SLC25A36: variants seen among roughly 807,000 people sequenced by gnomAD.
The protein encoded by SLC25A36 is solute carrier family 25 member 36, also known as epididymis secretory sperm binding protein.
In SLC25A36, 24 loss-of-function variants were observed where a neutral mutation model predicts 35.3. That is an observed-to-expected ratio of 0.68 (90% CI 0.49 to 0.96). The LOEUF is 0.96. Ranked by LOEUF, SLC25A36 falls within the 40% of genes least tolerant of loss-of-function variation. The probability of loss-of-function intolerance (pLI) is 0.00; values close to 1 mark genes in which losing one functional copy is unlikely to be tolerated. For synonymous variants in SLC25A36, 141 were observed against 132.2 expected, an observed-to-expected ratio of 1.07 and a Z score of -0.46; for missense variants, 294 against 381.1, an observed-to-expected ratio of 0.77 and a Z score of 1.90.
Position 140,959,443 on chromosome 3 carries a change from A to C in SLC25A36, c.207-20A>C. The stretch of plus-strand genomic sequence containing the variant: ...GACTTTGAAAGATATTTCTGATAGA[A>C]TTTTTTTTCTCTCTTTCAGGGTGAT... On this transcript the variant is annotated intron_variant, in intron 2 of 6. Coordinates refer to ENST00000324194, the MANE Select transcript of SLC25A36 (RefSeq NM_001104647.3). 2 of 1,374,086 alleles carry C rather than the reference A, an allele frequency of 1.5e-6. No individual in the cohort carries two copies. The highest frequency in any genetic ancestry group is 2.0e-6 in the Non-Finnish European group (2 of 1,021,288). The allele number at this position is 1,374,086 out of a possible 1,614,324, so 85.1% of individuals were successfully genotyped here. A position where few individuals can be genotyped will look rare whatever the true frequency, so the allele number is the denominator to read the frequency against.
Position 140,973,706 on chromosome 3 carries a change from T to C in SLC25A36, c.453-10T>C. 6.9e-7 allele frequency: 1 copy of C among 1,442,630 alleles called. No homozygotes were observed. The highest frequency in any genetic ancestry group is 9.2e-7 in the Non-Finnish European group (1 of 1,089,466). The allele number at this position is 1,442,630 out of a possible 1,614,324, so 89.4% of individuals were successfully genotyped here. ...AACCTATCAGTAAGATGTTTCTTTT[T>C]GCTTTTCAGGAACCGCGGGGAAAGG... On this transcript the variant is annotated splice_polypyrimidine_tract_variant and intron_variant, in intron 5 of 6. Coordinates refer to ENST00000324194, the MANE Select transcript of SLC25A36 (RefSeq NM_001104647.3).
intron 1 of SLC25A36, chr3:140,942,402 T>C (rs1934035512): frequency 3.7e-6 from 1 of 267,452 alleles, no homozygotes; most frequent in East Asian, 7.0e-5. Context: ...GGGGCCGGGG[T>C]GAGGCGGAGG....
rs890906707 is a variant in SLC25A36 at position 140,976,797 on chromosome 3, G to T, written c.*344G>T. ...CATCCTTAATTTTACATACTGTATT[G>T]TAACTATCCAAAGATAGTATTGGCA... is the stretch of plus-strand genomic sequence containing the variant. On this transcript the variant is annotated 3_prime_UTR_variant, in exon 7 of 7. Coordinates refer to ENST00000324194, the MANE Select transcript of SLC25A36 (RefSeq NM_001104647.3). 1.8e-5 allele frequency: 3 copies of T among 171,238 alleles called. No homozygotes were observed. Among genetic ancestry groups the T allele is most frequent in the African/African-American group, 4.7e-5 (2 of 42,142 alleles). The allele number at this position is 171,238 out of a possible 1,614,324, so 10.6% of individuals were successfully genotyped here.
At chr3:140,962,595 T>G (rs992409159) in intron 3 of SLC25A36, among the ~76,000 whole-genome samples, 1 of 152,144 alleles carries the variant, frequency 6.6e-6, no homozygotes, top group Non-Finnish European at 1.5e-5. Context: ...TAAAATTGTT[T>G]AGCATATACT....
At chr3:140,957,878 A>G (rs573011029) in intron 2 of SLC25A36, among the ~76,000 whole-genome samples, 1 of 152,314 alleles carries the variant, frequency 6.6e-6, no homozygotes, top group Admixed American at 6.5e-5. Context: ...CTGTGATAAT[A>G]CTTTTTAATT....
chr3:140,956,411 T>C (rs1279852012), intron 1 of SLC25A36, 116 bp from the exon 2 acceptor site: 1 of 1,224,360 alleles, frequency 8.2e-7, no homozygotes, highest in Admixed American at 3.6e-5. Flanking sequence ...TTAAAAATTA[T>C]AAATTTTAGT....
chr3:140,967,314 A>C (rs961806658), intron 4 of SLC25A36, among the ~76,000 whole-genome samples: 3 of 151,882 alleles, frequency 2.0e-5, no homozygotes, highest in Admixed American at 6.6e-5. Flanking sequence ...TGTAAATGGT[A>C]TTATACTATC....
chr3:140,976,544 A>C lies in SLC25A36; in HGVS notation c.*91A>C. 1.8e-6 allele frequency: 2 copies of C among 1,140,100 alleles called. No homozygotes were observed. Among genetic ancestry groups the C allele is most frequent in the Non-Finnish European group, 1.2e-6 (1 of 828,568 alleles). 70.6% of individuals were successfully genotyped at this position (1,140,100 alleles called of 1,614,324 possible). ...GAAGCCAGCATGGCAGACAGAAGAAAAATAGTTTGGGAACATGTAACTATT... is the reference window on the plus strand; with the variant it reads ...GAAGCCAGCATGGCAGACAGAAGAACAATAGTTTGGGAACATGTAACTATT... On this transcript the variant is annotated 3_prime_UTR_variant, in exon 7 of 7. Transcript: ENST00000324194.
rs559273031 is a variant in SLC25A36 at position 140,980,553 on chromosome 3, T to TTG, written c.*4112_*4113dup. On this transcript the variant is annotated 3_prime_UTR_variant, in exon 7 of 7. Coordinates refer to ENST00000324194, the MANE Select transcript of SLC25A36 (RefSeq NM_001104647.3). ...TAAAATTGAGCACAGGTGTTCCAAG[T>TTG]TGTGTGTGTGTGTTTATTACTGAAC... Among the ~76,000 whole-genome samples the TTG allele has an allele frequency of 0.023, 3,498 of 152,002 alleles. 129 individuals are homozygous for TTG. Among genetic ancestry groups the TTG allele is most frequent in the African/African-American group, 0.081 (3,344 of 41,446 alleles).
In SLC25A36 at chr3:140,962,923, A is replaced by C. The variant is rs73870071; in HGVS notation, c.285-204A>C. Among the ~76,000 whole-genome samples, 1,273 of 151,894 alleles carry C rather than the reference A, an allele frequency of 8.4e-3. 29 individuals are homozygous for C. Among genetic ancestry groups the C allele is most frequent in the African/African-American group, 0.029 (1,200 of 41,462 alleles). ...TGAGGATGAATGGTAGGAATTTTACATTTGATGTTGTCTTATTTTAATGAG... is the reference window on the plus strand; with the variant it reads ...TGAGGATGAATGGTAGGAATTTTACCTTTGATGTTGTCTTATTTTAATGAG... On this transcript the variant is annotated intron_variant, in intron 3 of 6. Transcript: ENST00000324194.
intron 4 of SLC25A36, chr3:140,963,627 G>A (rs367690647): frequency 1.9e-5 from 3 of 156,698 alleles, no homozygotes; most frequent in Non-Finnish European, 2.8e-5. Flanking sequence ...GAAATGTGTC[G>A]GCAATTCTTG....
At position 140,942,105 on chromosome 3, in the gene SLC25A36, T is replaced by C. The variant is rs1271226189; in HGVS notation, c.41+10T>C. ...ATCTGTTTGCCGGAGGGTAAGGTCC[T>C]GGCGGGGCGTGCGCACTGGGGCTGA... On this transcript the variant is annotated intron_variant, in intron 1 of 6. Coordinates refer to ENST00000324194, the MANE Select transcript of SLC25A36 (RefSeq NM_001104647.3). 1.5e-6 allele frequency: 2 copies of C among 1,340,322 alleles called. No individual in the cohort carries two copies. The highest frequency in any genetic ancestry group is 1.3e-5 in the South Asian group (1 of 75,710). The allele number at this position is 1,340,322 out of a possible 1,614,324, so 83.0% of individuals were successfully genotyped here. A position where few individuals can be genotyped will look rare whatever the true frequency, so the allele number is the denominator to read the frequency against.
intron 5 of SLC25A36, among the ~76,000 whole-genome samples, chr3:140,971,405 G>A (rs1934897120): frequency 6.6e-6 from 1 of 151,890 alleles, no homozygotes; most frequent in South Asian, 2.1e-4. Context: ...TAGTGACCTT[G>A]TGAATAGAGA....
chr3:140,950,116 AAC>A (rs1286408155), intron 1 of SLC25A36, among the ~76,000 whole-genome samples: 1 of 152,160 alleles, frequency 6.6e-6, no homozygotes, highest in African/African-American at 2.4e-5. Context: ...ATAATTTGAT[AAC>A]AGTTTTTGTT....
chr3:140,967,201 G>A (rs1052245616), intron 4 of SLC25A36, among the ~76,000 whole-genome samples: 7 of 151,856 alleles, frequency 4.6e-5, no homozygotes, highest in African/African-American at 1.7e-4. Flanking sequence ...CTAGAAGGAA[G>A]AATGAGGTAT....
chr3:140,950,585 T>C (rs1301306313), intron 1 of SLC25A36, among the ~76,000 whole-genome samples: 1 of 152,186 alleles, frequency 6.6e-6, no homozygotes, highest in East Asian at 1.9e-4. Context: ...AAGAAAAGGG[T>C]ATACAGTAGG....
chr3:140,972,000 A>G (rs1485554724), intron 5 of SLC25A36, among the ~76,000 whole-genome samples: 2 of 152,190 alleles, frequency 1.3e-5, no homozygotes, highest in Admixed American at 6.5e-5. Context: ...GGAAACTTGA[A>G]AAGAAATATC....
chr3:140,942,234 C>T (rs1172957909), intron 1 of SLC25A36, 139 bp downstream of exon 1: 1 of 335,316 alleles, frequency 3.0e-6, no homozygotes, highest in Non-Finnish European at 4.6e-6. Flanking sequence ...TGCCACGGGC[C>T]TGCGGGTGAG....
chr3:140,941,912 C>T lies in SLC25A36; in HGVS notation c.-143C>T. 1.8e-6 allele frequency: 1 copy of T among 548,540 alleles called. No homozygotes were observed. The highest frequency in any genetic ancestry group is 3.2e-6 in the Non-Finnish European group (1 of 313,318). The allele number at this position is 548,540 out of a possible 1,614,324, so 34.0% of individuals were successfully genotyped here. ...GCCGCGGGGAGGGCTGTGCCGGTTGCTTTCTGCAGCCGCATCTCGGCCAGC... is the reference window on the plus strand; with the variant it reads ...GCCGCGGGGAGGGCTGTGCCGGTTGTTTTCTGCAGCCGCATCTCGGCCAGC... On this transcript the variant is annotated 5_prime_UTR_variant, in exon 1 of 7. Transcript: ENST00000324194.
Sources: gnomAD v4.1 joint callset for allele counts (sites outside exome capture counted in the v4.1 genomes callset) on GRCh38, gnomAD v4.1.1 for gene constraint, MANE v1.5 for transcripts, NCBI Gene and HGNC (gene_info 2026-07-23, HGNC 2026-07-21) for gene names.